LRRC51: variants seen among roughly 807,000 people sequenced by gnomAD.
LRRC51 encodes the protein leucine rich repeat containing 51.
Under a neutral mutation model 17.8 loss-of-function variants are expected in LRRC51, and 8 were observed. The ratio of observed to expected loss-of-function variants is 0.45; its 90% CI spans 0.26 to 0.81. The LOEUF is 0.81. Ranked by LOEUF, LRRC51 falls within the 30% of genes least tolerant of loss-of-function variation. The probability of loss-of-function intolerance (pLI) is 0.17; values close to 1 mark genes in which losing one functional copy is unlikely to be tolerated. For synonymous variants in LRRC51, 92 were observed against 96.0 expected (o/e 0.96, Z 0.24); for missense variants, 233 against 239.3 (o/e 0.97, Z 0.17).
intron 3 of LRRC51, among the ~76,000 whole-genome samples, chr11:72,091,041 G>A (rs1241514702): frequency 6.6e-6 from 1 of 152,126 alleles, no homozygotes; most frequent in African/African-American, 2.4e-5. Context: ...AGATTCTTAG[G>A]CAGTGTAGTG....
At chr11:72,083,890 G>A (rs1212758182) in intron 1 of LRRC51, 1 of 152,270 alleles carries the variant, frequency 6.6e-6, no homozygotes, top group Non-Finnish European at 1.5e-5. Flanking sequence ...TTGGAGTTGA[G>A]GATGAGATGG....
At chr11:72,094,904 G>A in intron 4 of LRRC51, 44 bp from the exon 5 acceptor site, 1 of 1,614,140 alleles carries the variant, frequency 6.2e-7, no homozygotes. Context: ...GAGATTCAGG[G>A]TCCTGTCCTG....
intron 4 of LRRC51, 152 bp from the exon 5 acceptor site, chr11:72,094,796 G>A: frequency 1.4e-6 from 2 of 1,393,094 alleles, no homozygotes; most frequent in East Asian, 4.6e-5. Flanking sequence ...ATAAATAAAA[G>A]TAGGTTACAG....
rs1944703876 is a variant in LRRC51 at position 72,089,074 on chromosome 11, G to C, written c.-10G>C. 6.2e-7 allele frequency: 1 copy of C among 1,613,456 alleles called. No individual in the cohort carries two copies. The highest frequency in any genetic ancestry group is 1.3e-5 in the African/African-American group (1 of 74,850). ...GCACCTGCTTGCACCTTTGAATGAT[G>C]GCCTGAACTATGAACAAACGGGACT... is the stretch of plus-strand genomic sequence containing the variant. On this transcript the variant is annotated 5_prime_UTR_variant, in exon 3 of 6. The change abolishes an upstream ATG in the 5' untranslated region. Transcript: ENST00000289488.
At chr11:72,093,777 ACATGTTAT>A (rs1944998007) in intron 4 of LRRC51, 76 bp downstream of exon 4, 1 of 1,324,236 alleles carries the variant, frequency 7.6e-7, no homozygotes, top group Non-Finnish European at 1.1e-6. Context: ...CTCCACTCCT[ACATGTTAT>A]CAAGGAAGTA....
chr11:72,096,585 CTGCTGGCCT>C lies in LRRC51; in HGVS notation c.*1066_*1074del. 1 of 1,415,434 alleles carries C rather than the reference CTGCTGGCCT, an allele frequency of 7.1e-7. No individual in the cohort carries two copies. Among genetic ancestry groups the C allele is most frequent in the Non-Finnish European group, 9.2e-7 (1 of 1,082,550 alleles). 87.7% of individuals were successfully genotyped at this position (1,415,434 alleles called of 1,614,324 possible). ...AAAGGGAGGCAATTGAGGGAAAGGC[CTGCTGGCCT>C]GGGACACTGGAGACGTGGGTTTACC... On this transcript the variant is annotated 3_prime_UTR_variant, in exon 6 of 6. Coordinates refer to ENST00000289488, the MANE Select transcript of LRRC51 (RefSeq NM_145309.6).
intron 3 of LRRC51, among the ~76,000 whole-genome samples, chr11:72,092,115 C>T (rs2136522552): frequency 6.6e-6 from 1 of 152,268 alleles, no homozygotes; most frequent in South Asian, 2.1e-4. Flanking sequence ...TTCTTCCTCC[C>T]TGACCTTCCT....
chr11:72,088,223 T>C (rs990694576), intron 1 of LRRC51, 74 bp from the exon 2 acceptor site: 19 of 589,598 alleles, frequency 3.2e-5, no homozygotes, highest in Non-Finnish European at 5.2e-5. Context: ...GCTAACAAAT[T>C]GGAAACGATC....
At chr11:72,095,181 C>G in intron 5 of LRRC51, 85 bp downstream of exon 5, 1 of 1,576,834 alleles carries the variant, frequency 6.3e-7, no homozygotes, top group South Asian at 1.2e-5. Flanking sequence ...TACGACCATT[C>G]TTCTGCCATG....
chr11:72,094,096 C>A (rs951837309), intron 4 of LRRC51, among the ~76,000 whole-genome samples: 8 of 152,036 alleles, frequency 5.3e-5, no homozygotes, highest in African/African-American at 9.7e-5. Context: ...ACCATCCTGG[C>A]CAACATGGTG....
At chr11:72,084,492 A>G in intron 1 of LRRC51, among the ~76,000 whole-genome samples, 1 of 152,222 alleles carries the variant, frequency 6.6e-6, no homozygotes, top group Non-Finnish European at 1.5e-5. Context: ...GTCTACAACA[A>G]TTTGAAAATT....
At position 72,093,586 on chromosome 11, in the gene LRRC51, A is replaced by C. The variant is rs1944989193; in HGVS notation, c.173A>C (p.Asn58Thr). 1 of 1,614,226 alleles carries C rather than the reference A, an allele frequency of 6.2e-7. No individual in the cohort carries two copies. Among genetic ancestry groups the C allele is most frequent in the African/African-American group, 1.3e-5 (1 of 75,060 alleles). The change falls in exon 4 of 6, where the codon AAC (asparagine) becomes ACC (threonine). Residue 58 changes from asparagine to threonine, a missense_variant. Physicochemically the swap from Asn to Thr is moderately conservative, Grantham distance 65 (BLOSUM62 0). Transcript: ENST00000289488. ...CTGACCCAGTCCCTGTGGCTGAATAACAATGTTCTCAATGATCTGAGAGAC... is the reference window on the plus strand; with the variant it reads ...CTGACCCAGTCCCTGTGGCTGAATACCAATGTTCTCAATGATCTGAGAGAC... ...KSLTQSLWLNNNVLNDLRDFN... is the reference protein window; with the variant it reads ...KSLTQSLWLNTNVLNDLRDFN...
intron 1 of LRRC51, among the ~76,000 whole-genome samples, chr11:72,083,373 A>G (rs1447398752): frequency 6.6e-6 from 1 of 152,220 alleles, no homozygotes; most frequent in South Asian, 2.1e-4. Flanking sequence ...CCCCTACCCC[A>G]TAAGTTAATT....
At chr11:72,088,517 C>A in intron 2 of LRRC51, 137 bp downstream of exon 2, 1 of 662,442 alleles carries the variant, frequency 1.5e-6, no homozygotes, top group Non-Finnish European at 2.8e-6. Flanking sequence ...GAGAAGGTGG[C>A]AAATCCCCAG....
At chr11:72,082,864 A>T (rs1408697027) in intron 1 of LRRC51, among the ~76,000 whole-genome samples, 90 of 145,550 alleles carry the variant, frequency 6.2e-4, no homozygotes, top group Non-Finnish European at 8.4e-4. Context: ...CCCACCCCCA[A>T]TTTTTTTTTT....
In LRRC51 at chr11:72,095,453, C is replaced by T. The variant is rs1945135588; in HGVS notation, c.512C>T (p.Thr171Ile). 1.2e-6 allele frequency: 2 copies of T among 1,614,148 alleles called. No individual in the cohort carries two copies. Among genetic ancestry groups the T allele is most frequent in the African/African-American group, 1.3e-5 (1 of 75,042 alleles). The change falls in exon 6 of 6, where the codon ACA becomes ATA. Residue 171 changes from threonine (T) to isoleucine (I), a missense_variant. By Grantham distance (89) the Thr-to-Ile change is moderately conservative. Transcript: ENST00000289488. ...GGGGTCACCAAAGCAGACCGCACCA[C>T]AGCTGAAGTCTGGAAACGCATGAAC... is the stretch of plus-strand genomic sequence containing the variant. ...FSGVTKADRT[T>I]AEVWKRMNIK...
chr11:72,095,439 A>T lies in LRRC51; in HGVS notation c.498A>T (p.Lys166Asn). 1.2e-6 allele frequency: 2 copies of T among 1,614,122 alleles called. No homozygotes were observed. The highest frequency in any genetic ancestry group is 2.2e-5 in the South Asian group (2 of 91,082). ...ITTFDFSGVT[K>N]ADRTTAEVWK... ...CGTTCGACTTCAGTGGGGTCACCAA[A>T]GCAGACCGCACCACAGCTGAAGTCT... Residue 166 changes from lysine (K) to asparagine (N), a missense_variant, in exon 6 of 6, where the codon AAA (lysine) becomes AAT (asparagine). Physicochemically the swap from Lys to Asn is moderately conservative, Grantham distance 94. Transcript: ENST00000289488.
intron 1 of LRRC51, chr11:72,085,581 T>A (rs1432659947): frequency 6.6e-6 from 1 of 152,194 alleles, no homozygotes; most frequent in Non-Finnish European, 1.5e-5. Flanking sequence ...AAGGTAGGGT[T>A]TGTCTCCATT....
At position 72,095,271 on chromosome 11, in the gene LRRC51, T is replaced by A. The variant is rs547553873; in HGVS notation, c.438-108T>A. 3 of 1,601,886 alleles carry A rather than the reference T, an allele frequency of 1.9e-6. No homozygotes were observed. In the African/African-American group the frequency reaches 4.0e-5, roughly 21 times the overall value. On this transcript the variant is annotated intron_variant, in intron 5 of 5. Transcript: ENST00000289488. ...GATAAACCTAATCTTTCCCAAACTA[T>A]GCTCAAGTCCCTCCATTCCTTGCAG...
Sources: allele counts gnomAD v4.1 joint callset (sites outside exome capture counted in the v4.1 genomes callset), GRCh38; gene constraint gnomAD v4.1.1; transcripts MANE v1.5; gene names NCBI Gene and HGNC (gene_info 2026-07-23, HGNC 2026-07-21).